The following OSBPL5 variants were observed in gnomAD, a reference collection of about 807,000 sequenced individuals.
The protein encoded by OSBPL5 is oxysterol-binding protein-related protein 5.
In OSBPL5, 71 loss-of-function variants were observed where a neutral mutation model predicts 111.2. The ratio of observed to expected loss-of-function variants is 0.64; its 90% CI spans 0.53 to 0.78. The LOEUF (loss-of-function observed/expected upper bound fraction) is 0.78, where lower values mean the gene tolerates loss of function less well. Among genes scored for constraint, OSBPL5 ranks in the 30% least tolerant of loss-of-function variants. The pLI is 0.00. For missense variants in OSBPL5, 1,210 were observed against 1,189.3 expected (o/e 1.02, Z -0.26); for synonymous variants, 549 against 513.9 (o/e 1.07, Z -0.93).
At chr11:3,096,915 G>A (rs1857272232) in intron 14 of OSBPL5, among the ~76,000 whole-genome samples, 1 of 140,572 alleles carries the variant, frequency 7.1e-6, no homozygotes, top group South Asian at 2.4e-4. Context: ...AAATAAAGGG[G>A]AGAAGACGGG....
intron 7 of OSBPL5, among the ~76,000 whole-genome samples, chr11:3,111,307 C>G (rs1318636341): frequency 6.6e-6 from 1 of 152,068 alleles, no homozygotes; most frequent in African/African-American, 2.4e-5. Flanking sequence ...AGGCAGGTAA[C>G]TCCTTTATGG....
At chr11:3,143,011 G>C (rs1399604375) in intron 1 of OSBPL5, among the ~76,000 whole-genome samples, 43 of 87,748 alleles carry the variant, frequency 4.9e-4, no homozygotes, top group Non-Finnish European at 6.1e-4. Context: ...GGTGCAGAGG[G>C]GGGCAGAGGA....
intron 4 of OSBPL5, 120 bp downstream of exon 4, chr11:3,122,228 G>T: frequency 1.5e-6 from 2 of 1,332,148 alleles, no homozygotes; most frequent in East Asian, 2.5e-5. Context: ...TAGGGGGTGT[G>T]GAGGCGACCA....
chr11:3,103,056 T>A (rs1349992484), intron 11 of OSBPL5, among the ~76,000 whole-genome samples, 183 bp downstream of exon 11: 2 of 151,990 alleles, frequency 1.3e-5, no homozygotes, highest in African/African-American at 4.8e-5. Flanking sequence ...GCCCCAACTG[T>A]GGGAAGTGGG....
At chr11:3,149,319 T>C (rs1846482919) in intron 1 of OSBPL5, among the ~76,000 whole-genome samples, 1 of 152,176 alleles carries the variant, frequency 6.6e-6, no homozygotes. Flanking sequence ...GGGGGGGCAG[T>C]CGCCCTTTGG....
At position 3,146,872 on chromosome 11, in the gene OSBPL5, C is replaced by T. The variant is rs761232050; in HGVS notation, c.-21-17703G>A. On this transcript the variant is annotated intron_variant, in intron 1 of 21. Transcript: ENST00000263650. This position sits in a 1 kb window ranked among gnomAD's most constrained non-coding sequence, Gnocchi z 7.8. ...GGAGCTGGCGTTTCTATTTATGATT[C>T]GCCTCTCACGCCCCTTCCCAGCACA... Among the ~76,000 whole-genome samples, 7 of 152,236 alleles carry T rather than the reference C, an allele frequency of 4.6e-5. No homozygotes were observed. The highest frequency in any genetic ancestry group is 7.2e-5 in the African/African-American group (3 of 41,548).
In OSBPL5 at chr11:3,105,531, C is replaced by G. The variant is rs558378506; in HGVS notation, c.1060-1154G>C. 2.9e-4 allele frequency among the ~76,000 whole-genome samples: 44 copies of G among 152,154 alleles called. No individual in the cohort carries two copies. Among genetic ancestry groups the G allele is most frequent in the Non-Finnish European group, 5.7e-4 (39 of 68,012 alleles). On this transcript the variant is annotated intron_variant, in intron 9 of 21. Coordinates refer to ENST00000263650, the MANE Select transcript of OSBPL5 (RefSeq NM_020896.4). The surrounding 1 kb of genome is among the most constrained non-coding windows in gnomAD (Gnocchi z 5.2). ...GTCCATGTGCTCCCGTCCCGTCCTCCTTAACCCTCTCCACCAGGCTTCTGC... is the reference window on the plus strand; with the variant it reads ...GTCCATGTGCTCCCGTCCCGTCCTCGTTAACCCTCTCCACCAGGCTTCTGC...
At position 3,105,959 on chromosome 11, in the gene OSBPL5, A is replaced by G. The variant is rs1261035641; in HGVS notation, c.1059+1304T>C. Among the ~76,000 whole-genome samples, 1 of 151,796 alleles carries G rather than the reference A, an allele frequency of 6.6e-6. No homozygotes were observed. Among genetic ancestry groups the G allele is most frequent in the Non-Finnish European group, 1.5e-5 (1 of 67,896 alleles). ...GGGTGTCCTCAGCTTTCTCCTAACA[A>G]TGGGTCTTCCCTACGGGTGGCCCAG... On this transcript the variant is annotated intron_variant, in intron 9 of 21. Coordinates refer to ENST00000263650, the MANE Select transcript of OSBPL5 (RefSeq NM_020896.4). The surrounding 1 kb of genome is among the most constrained non-coding windows in gnomAD (Gnocchi z 5.2).
chr11:3,129,327 T>C, intron 1 of OSBPL5, 158 bp from the exon 2 acceptor site: 3 of 644,202 alleles, frequency 4.7e-6, no homozygotes, highest in Non-Finnish European at 7.0e-6. Flanking sequence ...TGGTGGGTGG[T>C]CAGCCAGGAC....
intron 1 of OSBPL5, chr11:3,164,375 C>G (rs1053643536): frequency 1.2e-4 from 19 of 152,406 alleles, no homozygotes; most frequent in African/African-American, 4.3e-4. Context: ...AGGAGTCACC[C>G]CAAACCCTAA....
Position 3,126,567 on chromosome 11 carries a change from C to G in OSBPL5, c.137-12G>C. The G allele has an allele frequency of 6.2e-7, 1 of 1,603,508 alleles. No homozygotes were observed. Among genetic ancestry groups the G allele is most frequent in the Non-Finnish European group, 8.5e-7 (1 of 1,176,472 alleles). ...CTCCATGTCCTTCCCTGCAAGAGAG[C>G]AGTGGGAGTGAGGACCCAGGCATGG... is the stretch of plus-strand genomic sequence containing the variant. On this transcript the variant is annotated splice_polypyrimidine_tract_variant and intron_variant, in intron 2 of 21. Coordinates refer to ENST00000263650, the MANE Select transcript of OSBPL5 (RefSeq NM_020896.4). The surrounding 1 kb of genome is among the most constrained non-coding windows in gnomAD (Gnocchi z 6.5).
At chr11:3,153,570 C>T (rs1372880111) in intron 1 of OSBPL5, among the ~76,000 whole-genome samples, 1 of 152,196 alleles carries the variant, frequency 6.6e-6, no homozygotes, top group East Asian at 1.9e-4. Flanking sequence ...GTCGCTAGGG[C>T]TGAGGCCCAG....
In OSBPL5 at chr11:3,145,128, C is replaced by G. The variant is rs146854574; in HGVS notation, c.-21-15959G>C. Among the ~76,000 whole-genome samples the G allele has an allele frequency of 8.4e-3, 1,274 of 152,356 alleles. 15 individuals carry two copies. The highest frequency in any genetic ancestry group is 0.03 in the African/African-American group (1,229 of 41,586). On this transcript the variant is annotated intron_variant, in intron 1 of 21. Coordinates refer to ENST00000263650, the MANE Select transcript of OSBPL5 (RefSeq NM_020896.4). ...TCCCTCCCGCTCTGCCTGGCCCTCA[C>G]GCTCTCTGCGTGCACCTGGGCTGGC...
rs1036041275 is a variant in OSBPL5, at chr11:3,130,213, G to T, written c.-21-1044C>A. 6.6e-6 allele frequency among the ~76,000 whole-genome samples: 1 copy of T among 152,230 alleles called. No individual in the cohort carries two copies. Among genetic ancestry groups the T allele is most frequent in the Non-Finnish European group, 1.5e-5 (1 of 68,042 alleles). On this transcript the variant is annotated intron_variant, in intron 1 of 21. Coordinates refer to ENST00000263650, the MANE Select transcript of OSBPL5 (RefSeq NM_020896.4). The surrounding 1 kb of genome is among the most constrained non-coding windows in gnomAD (Gnocchi z 4.5). ...CGACCTGTAATCGTGACCTGACAAG[G>T]GTTGGCAGAGCATCCCCTCCAGCTT...
Position 3,104,225 on chromosome 11 carries a change from G to T in OSBPL5, c.1212C>A (p.Ser404=). 6.2e-7 allele frequency: 1 copy of T among 1,612,130 alleles called. No individual in the cohort carries two copies. Among genetic ancestry groups the T allele is most frequent in the Non-Finnish European group, 8.5e-7 (1 of 1,178,612 alleles). The stretch of plus-strand genomic sequence containing the variant: ...GCAGGTCTGCGTGGTAGTAGTAGTC[G>T]GAGAGCTTGTTCAGGAAGGAGCGCG... ...LEPRSFLNKL[S]DYYYHADLLS... is the part of the protein sequence containing the mutation. The change falls in exon 10 of 22, where the codon TCC becomes TCA. Residue 404 remains serine, a synonymous_variant. Transcript: ENST00000263650. The surrounding 1 kb of genome is among the most constrained non-coding windows in gnomAD (Gnocchi z 5.0).
chr11:3,088,320 G>A lies in OSBPL5; in HGVS notation c.2525C>T (p.Ser842Phe). ...LHRHLSAMLS[S>F]TARAAQAPTP... ...CGGTGCCTGTGCTGCCCGTGCCGTG[G>A]AGCTCAGCATGGCCGAGAGGTGCCT... Residue 842 changes from serine to phenylalanine, a missense_variant, in exon 22 of 22, where the codon TCC (serine) becomes TTC (phenylalanine). Ser to Phe is a radical substitution (Grantham distance 155, BLOSUM62 -2). Coordinates refer to ENST00000263650, the MANE Select transcript of OSBPL5 (RefSeq NM_020896.4). The A allele has an allele frequency of 6.3e-7, 1 of 1,595,132 alleles. No homozygotes were observed. The highest frequency in any genetic ancestry group is 8.5e-7 in the Non-Finnish European group (1 of 1,172,506).
At chr11:3,093,155 C>T (rs933078499) in intron 17 of OSBPL5, 103 bp from the exon 18 acceptor site, 2 of 1,214,186 alleles carry the variant, frequency 1.6e-6, no homozygotes, top group Non-Finnish European at 2.2e-6. Flanking sequence ...CACAGAGCAA[C>T]CTCTGCGTGA....
rs1393708614 is a variant in OSBPL5, at chr11:3,103,633, C to T, written c.1245-313G>A. On this transcript the variant is annotated intron_variant, in intron 10 of 21. Coordinates refer to ENST00000263650, the MANE Select transcript of OSBPL5 (RefSeq NM_020896.4). ...GTTCCCACCTGCTCCCTCTGCCTGG[C>T]TCCTGAGCCTGCAGCCCCCTTCCTG... Among the ~76,000 whole-genome samples the T allele has an allele frequency of 6.6e-5, 10 of 151,018 alleles. No homozygotes were observed. The East Asian group carries it at 1.9e-3, about 29-fold the overall frequency.
intron 1 of OSBPL5, among the ~76,000 whole-genome samples, chr11:3,129,643 C>T (rs1237133275): frequency 6.6e-6 from 1 of 152,270 alleles, no homozygotes; most frequent in Admixed American, 6.5e-5. Flanking sequence ...GAGTGGCTGG[C>T]ACGGTGTTGG....
Sources: gnomAD v4.1 joint callset for allele counts (sites outside exome capture counted in the v4.1 genomes callset) on GRCh38, gnomAD v4.1.1 for gene constraint, Gnocchi (gnomAD v3.1) non-coding constraint, MANE v1.5 for transcripts, NCBI Gene and HGNC (gene_info 2026-07-23, HGNC 2026-07-21) for gene names.